UNC5D: variants seen among roughly 807,000 people sequenced by gnomAD.
The protein encoded by UNC5D is unc-5 netrin receptor D.
A neutral mutation model predicts 105.4 loss-of-function variants in UNC5D; 39 were observed. The ratio of observed to expected loss-of-function variants is 0.37; its 90% CI spans 0.29 to 0.48. The LOEUF (loss-of-function observed/expected upper bound fraction) is 0.48, where lower values mean the gene tolerates loss of function less well. UNC5D is among the 20% of genes least tolerant of loss of function. UNC5D has a pLI of 0.98. For synonymous variants in UNC5D, 452 were observed against 450.4 expected (o/e 1.00, Z -0.04); for missense variants, 991 against 1,202.4 (o/e 0.82, Z 2.60).
rs185823204 is a variant in UNC5D at position 35,349,722 on chromosome 8, G to C, written c.103+113835G>C. ...TTTAGTTTATAACTCAGTCACATGA[G>C]AGCTTTTTCTTAAGATTACCACTGT... On this transcript the variant is annotated intron_variant, in intron 1 of 16. Coordinates refer to ENST00000404895, the MANE Select transcript of UNC5D (RefSeq NM_080872.4). Among the ~76,000 whole-genome samples the C allele has an allele frequency of 2.6e-3, 393 of 152,070 alleles. 2 individuals are homozygous for C. Among genetic ancestry groups the C allele is most frequent in the Admixed American group, 7.6e-3 (116 of 15,248 alleles).
In UNC5D at chr8:35,544,648, G is replaced by A. The variant is rs1458171198; in HGVS notation, c.104-4644G>A. The A allele has an allele frequency of 7.6e-5, 102 of 1,342,356 alleles. 1 individual carries two copies. In the South Asian group the frequency reaches 1.3e-3, roughly 17 times the overall value. 83.2% of individuals were successfully genotyped at this position (1,342,356 alleles called of 1,614,324 possible). ...GACAGAGTCTCAGTCTTTCACTCAGGCTGGAGTGCAATAGTGTGATCACGG... is the reference window on the plus strand; with the variant it reads ...GACAGAGTCTCAGTCTTTCACTCAGACTGGAGTGCAATAGTGTGATCACGG... On this transcript the variant is annotated intron_variant, in intron 1 of 16. Coordinates refer to ENST00000404895, the MANE Select transcript of UNC5D (RefSeq NM_080872.4).
At chr8:35,530,822 G>C (rs1299771976) in intron 1 of UNC5D, among the ~76,000 whole-genome samples, 13 of 146,082 alleles carry the variant, frequency 8.9e-5, no homozygotes, top group South Asian at 2.2e-4. Context: ...AGATTTTCTA[G>C]TTTATTTGCA....
Position 35,411,575 on chromosome 8 carries a change from G to A in UNC5D, c.104-137717G>A, listed in dbSNP as rs1805171128. 2.0e-5 allele frequency among the ~76,000 whole-genome samples: 3 copies of A among 152,026 alleles called. No individual in the cohort carries two copies. In the South Asian group the frequency reaches 6.2e-4, roughly 31 times the overall value. On this transcript the variant is annotated intron_variant, in intron 1 of 16. Transcript: ENST00000404895. ...ATTGAATGAAAGATGAAATAAAATA[G>A]TTCTCATTTAGATCTCAGCTTGAAT...
Position 35,244,851 on chromosome 8 carries a change from AT to A in UNC5D, c.103+8975del, listed in dbSNP as rs745310550. Among the ~76,000 whole-genome samples the A allele has an allele frequency of 8.1e-3, 1,182 of 145,094 alleles. 8 individuals are homozygous for A. The highest frequency in any genetic ancestry group is 0.013 in the Non-Finnish European group (848 of 65,814). ...CATAGCCAGACTCTCTTCTCTGCAC[AT>A]TTTTTTTTTTAAAGTTAGCTGGACG... On this transcript the variant is annotated intron_variant, in intron 1 of 16. Transcript: ENST00000404895.
At chr8:35,503,840 G>A (rs1437744979) in intron 1 of UNC5D, among the ~76,000 whole-genome samples, 1 of 152,130 alleles carries the variant, frequency 6.6e-6, no homozygotes, top group Non-Finnish European at 1.5e-5. Flanking sequence ...TAAAGAAAGA[G>A]AATGGGACAG....
intron 1 of UNC5D, chr8:35,525,300 T>A (rs1470221296): frequency 4.3e-6 from 7 of 1,612,102 alleles, no homozygotes; most frequent in Non-Finnish European, 5.1e-6. Flanking sequence ...TGCACTCCCC[T>A]CTTTGCCTTT....
chr8:35,459,274 G>T (rs1453195366), intron 1 of UNC5D, among the ~76,000 whole-genome samples: 1 of 152,100 alleles, frequency 6.6e-6, no homozygotes, highest in East Asian at 1.9e-4. Flanking sequence ...GGGGTGGCTT[G>T]GTCAGTTAGG....
intron 2 of UNC5D, among the ~76,000 whole-genome samples, chr8:35,552,500 C>T (rs1816238297): frequency 6.6e-6 from 1 of 152,220 alleles, no homozygotes; most frequent in South Asian, 2.1e-4. Flanking sequence ...TCATCCTATA[C>T]ATATAACATT....
At chr8:35,468,405 G>T (rs557181572) in intron 1 of UNC5D, among the ~76,000 whole-genome samples, 1 of 152,212 alleles carries the variant, frequency 6.6e-6, no homozygotes, top group Non-Finnish European at 1.5e-5. Context: ...CGATTTCAGT[G>T]CTGATTTTTC....
chr8:35,763,725 C>G (rs531883875), intron 14 of UNC5D, among the ~76,000 whole-genome samples: 6 of 152,194 alleles, frequency 3.9e-5, no homozygotes, highest in African/African-American at 1.4e-4. Context: ...TGCAAAGCAA[C>G]CCTACAAAAA....
chr8:35,609,785 C>T (rs1320789561), intron 4 of UNC5D, among the ~76,000 whole-genome samples: 1 of 152,176 alleles, frequency 6.6e-6, no homozygotes, highest in African/African-American at 2.4e-5. Flanking sequence ...TCCCTTTCTG[C>T]CCACCTCCTG....
intron 1 of UNC5D, among the ~76,000 whole-genome samples, chr8:35,292,039 T>G (rs747787051): frequency 2.0e-5 from 3 of 152,230 alleles, no homozygotes; most frequent in Non-Finnish European, 4.4e-5. Context: ...GAAGTTAGGC[T>G]ATTTCTAAAT....
chr8:35,377,654 A>G (rs1802781009), intron 1 of UNC5D, among the ~76,000 whole-genome samples: 1 of 152,150 alleles, frequency 6.6e-6, no homozygotes, highest in Admixed American at 6.5e-5. Flanking sequence ...CTGTGTTTAC[A>G]TAGAAAGGTG....
chr8:35,480,896 G>T (rs748183232), intron 1 of UNC5D, among the ~76,000 whole-genome samples: 17 of 152,150 alleles, frequency 1.1e-4, no homozygotes, highest in Non-Finnish European at 2.4e-4. Flanking sequence ...TTGGATGGAG[G>T]TGGAGGATAA....
At chr8:35,553,357 A>G (rs1816305776) in intron 2 of UNC5D, among the ~76,000 whole-genome samples, 1 of 147,840 alleles carries the variant, frequency 6.8e-6, no homozygotes, top group African/African-American at 2.5e-5. Flanking sequence ...TACTTCCTTA[A>G]AAAAAAAAAA....
intron 1 of UNC5D, chr8:35,256,634 A>G (rs890028871): frequency 1.3e-5 from 2 of 152,124 alleles, no homozygotes; most frequent in South Asian, 2.1e-4. Flanking sequence ...AAACTCAGGT[A>G]TATACTTTCC....
intron 3 of UNC5D, among the ~76,000 whole-genome samples, chr8:35,580,884 T>C (rs1818436444): frequency 6.6e-6 from 1 of 152,176 alleles, no homozygotes; most frequent in Non-Finnish European, 1.5e-5. Flanking sequence ...AATATCAGCA[T>C]GAAGATGAAA....
At position 35,725,909 on chromosome 8, in the gene UNC5D, G is replaced by C. The variant is rs149855740; in HGVS notation, c.1304-243G>C. On this transcript the variant is annotated intron_variant, in intron 9 of 16. Coordinates refer to ENST00000404895, the MANE Select transcript of UNC5D (RefSeq NM_080872.4). ...TTGTTTTGAAAAGATAGCACGGAAA[G>C]ATCTCTGGAAAGTGAAAGATTTGGG... Among the ~76,000 whole-genome samples the C allele has an allele frequency of 7.3e-3, 1,119 of 152,274 alleles. 10 individuals carry two copies. The highest frequency in any genetic ancestry group is 0.024 in the African/African-American group (995 of 41,560).
At chr8:35,576,713 T>C (rs1818113050) in intron 3 of UNC5D, among the ~76,000 whole-genome samples, 1 of 152,054 alleles carries the variant, frequency 6.6e-6, no homozygotes, top group African/African-American at 2.4e-5. Flanking sequence ...CCTGGGTTCA[T>C]GCCATTCTCC....
Sources: allele counts gnomAD v4.1 joint callset (sites outside exome capture counted in the v4.1 genomes callset), GRCh38; gene constraint gnomAD v4.1.1; transcripts MANE v1.5; gene names NCBI Gene and HGNC (gene_info 2026-07-23, HGNC 2026-07-21).